Variants in RBX1 observed in about 807,000 individuals in gnomAD.
RBX1 encodes ring-box 1.
For missense variants in RBX1, 46 were observed against 141.4 expected, an observed-to-expected ratio of 0.33 and a Z score of 3.42; for synonymous variants, 48 against 47.9, an observed-to-expected ratio of 1.00 and a Z score of -0.01.
chr22:40,955,196 C>T lies in RBX1; in HGVS notation c.157+1563C>T, dbSNP rs1187723436. On this transcript the variant is annotated intron_variant, in intron 2 of 4. Coordinates refer to ENST00000216225, the MANE Select transcript of RBX1 (RefSeq NM_014248.4). ...TTCTCTTCCTTGGTTTTGTCTAACC[C>T]AGCACTGTCCAATCTGAATGTAAGC... Among the ~76,000 whole-genome samples, 9 of 152,154 alleles carry T rather than the reference C, an allele frequency of 5.9e-5. No homozygotes were observed. In the South Asian group the frequency reaches 1.9e-3, roughly 32 times the overall value.
At position 40,969,888 on chromosome 22, in the gene RBX1, C is replaced by CA. The variant is rs566980497; in HGVS notation, c.314+2018dup. Among the ~76,000 whole-genome samples the CA allele has an allele frequency of 2.7e-3, 335 of 125,650 alleles. 3 individuals are homozygous for CA. The South Asian group carries it at 0.041, about 16-fold the overall frequency. 82.4% of individuals were successfully genotyped at this position (125,650 alleles called of 152,430 possible). On this transcript the variant is annotated intron_variant, in intron 4 of 4. Transcript: ENST00000216225. ...TAAATGACAGAGTGAGACCCTATCT[C>CA]AAAAAAAAAAAAAAGAAAGAAAATT...
intron 4 of RBX1, 55 bp downstream of exon 4, chr22:40,967,939 G>A (rs2058358486): frequency 7.9e-7 from 1 of 1,264,052 alleles, no homozygotes. Flanking sequence ...AGGCTGAAAG[G>A]AGCGTGGTCT....
At position 40,967,804 on chromosome 22, in the gene RBX1, T is replaced by C; in HGVS notation, c.234T>C (p.Ala78=). ...AAATATATGTTTTCTTTCAGCATGC[T>C]TTTCACTTCCACTGCATCTCTCGCT... ...CTVAWGVCNH[A]FHFHCISRWL... The change falls in exon 4 of 5, where the codon GCT becomes GCC. Residue 78 remains alanine (A), a synonymous_variant. Transcript: ENST00000216225. The C allele has an allele frequency of 3.1e-6, 5 of 1,613,350 alleles. No individual in the cohort carries two copies. The highest frequency in any genetic ancestry group is 4.2e-6 in the Non-Finnish European group (5 of 1,179,380).
At chr22:40,953,237 G>A (rs572505418) in intron 1 of RBX1, among the ~76,000 whole-genome samples, 5 of 152,138 alleles carry the variant, frequency 3.3e-5, no homozygotes, top group East Asian at 3.9e-4. Flanking sequence ...TGATCGGCCC[G>A]CCTCGGCCTC....
At chr22:40,952,717 A>AAC (rs937071125) in intron 1 of RBX1, among the ~76,000 whole-genome samples, 73 of 151,978 alleles carry the variant, frequency 4.8e-4, no homozygotes, top group African/African-American at 1.6e-3. Context: ...GTAAGAATCA[A>AAC]AATTCTAGTG....
At chr22:40,971,148 C>T (rs2058368024) in intron 4 of RBX1, among the ~76,000 whole-genome samples, 1 of 152,134 alleles carries the variant, frequency 6.6e-6, no homozygotes, top group African/African-American at 2.4e-5. Context: ...TACATGTGCC[C>T]AGGGCTAAAT....
intron 2 of RBX1, among the ~76,000 whole-genome samples, chr22:40,954,699 G>C (rs533237626): frequency 2.3e-4 from 34 of 150,900 alleles, no homozygotes; most frequent in Non-Finnish European, 3.8e-4. Flanking sequence ...ACTTTGTCTT[G>C]AGTCACTCCT....
chr22:40,969,269 A>G (rs1446109984), intron 4 of RBX1, among the ~76,000 whole-genome samples: 2 of 152,260 alleles, frequency 1.3e-5, no homozygotes, highest in East Asian at 3.9e-4. Context: ...CTGAGATCGC[A>G]CCATCGCACT....
chr22:40,953,663 T>C, intron 2 of RBX1, 30 bp downstream of exon 2: 1 of 1,468,204 alleles, frequency 6.8e-7, no homozygotes, highest in East Asian at 2.3e-5. Context: ...TGGGAGGAAG[T>C]TGAGAAGGTT....
rs1376765637 is a variant in RBX1, at chr22:40,972,679, T to C, written c.*191T>C. ...GGATTCTGGAACGGATGCTCTCTCT[T>C]GTGTATGTGAACAAAGTGAACATAA... On this transcript the variant is annotated 3_prime_UTR_variant, in exon 5 of 5. Coordinates refer to ENST00000216225, the MANE Select transcript of RBX1 (RefSeq NM_014248.4). 9 of 557,088 alleles carry C rather than the reference T, an allele frequency of 1.6e-5. No individual in the cohort carries two copies. Among genetic ancestry groups the C allele is most frequent in the Non-Finnish European group, 2.6e-5 (8 of 308,168 alleles). The allele number at this position is 557,088 out of a possible 1,614,324, so 34.5% of individuals were successfully genotyped here.
rs746746314 is a variant in RBX1 at position 40,951,488 on chromosome 22, C to T, written c.78+12C>T. 1 of 1,611,326 alleles carries T rather than the reference C, an allele frequency of 6.2e-7. No homozygotes were observed. The highest frequency in any genetic ancestry group is 1.7e-5 in the Admixed American group (1 of 59,612). On this transcript the variant is annotated intron_variant, in intron 1 of 4. Coordinates refer to ENST00000216225, the MANE Select transcript of RBX1 (RefSeq NM_014248.4). The stretch of plus-strand genomic sequence containing the variant: ...TTGAAGTGAAAAAGGTTGGGTCTCG[C>T]CAGCGCCTTCCTCAGGGAAGCTAGA...
At chr22:40,962,383 C>T (rs946439634) in intron 2 of RBX1, among the ~76,000 whole-genome samples, 3 of 152,038 alleles carry the variant, frequency 2.0e-5, no homozygotes, top group African/African-American at 7.2e-5. Context: ...CATGCCCGGC[C>T]CACTTTCCAC....
At chr22:40,953,503 A>ATG in intron 1 of RBX1, 52 bp from the exon 2 acceptor site, 1 of 1,178,362 alleles carries the variant, frequency 8.5e-7, no homozygotes, top group Non-Finnish European at 1.3e-6. Flanking sequence ...CCTAAAGAGT[A>ATG]TGTGTGTGTG....
At chr22:40,958,038 C>A (rs777956571) in intron 2 of RBX1, among the ~76,000 whole-genome samples, 1 of 152,092 alleles carries the variant, frequency 6.6e-6, no homozygotes, top group African/African-American at 2.4e-5. Context: ...GTTGGCCAGG[C>A]TGGTCTCGAG....
At chr22:40,957,013 T>C (rs1241338194) in intron 2 of RBX1, among the ~76,000 whole-genome samples, 1 of 143,452 alleles carries the variant, frequency 7.0e-6, no homozygotes, top group Non-Finnish European at 1.5e-5. Context: ...CCAGCCTGGG[T>C]GACAGAGTGA....
intron 2 of RBX1, among the ~76,000 whole-genome samples, chr22:40,960,822 G>A (rs967149295): frequency 1.3e-5 from 2 of 152,056 alleles, no homozygotes; most frequent in Admixed American, 1.3e-4. Flanking sequence ...GCAGTGGCGC[G>A]ATCCCAGCTC....
chr22:40,962,947 C>G (rs1422567318), intron 2 of RBX1, among the ~76,000 whole-genome samples: 1 of 150,940 alleles, frequency 6.6e-6, no homozygotes, highest in African/African-American at 2.4e-5. Flanking sequence ...GTGCCTGCCT[C>G]GGCCTCCCAA....
chr22:40,954,463 G>A (rs1005948376), intron 2 of RBX1, among the ~76,000 whole-genome samples: 6 of 152,152 alleles, frequency 3.9e-5, no homozygotes, highest in African/African-American at 9.7e-5. Flanking sequence ...ATTACATGTA[G>A]TGGTCAGCAC....
intron 2 of RBX1, among the ~76,000 whole-genome samples, chr22:40,957,586 C>G (rs558761283): frequency 6.6e-6 from 1 of 152,110 alleles, no homozygotes; most frequent in South Asian, 2.1e-4. Context: ...GACAGTGAGT[C>G]AAGATTTTGC....
Sources: gnomAD v4.1 joint callset for allele counts (sites outside exome capture counted in the v4.1 genomes callset) on GRCh38, gnomAD v4.1.1 for gene constraint, MANE v1.5 for transcripts, NCBI Gene and HGNC (gene_info 2026-07-23, HGNC 2026-07-21) for gene names.